The following ADGRA3 variants were observed in gnomAD, a reference collection of about 807,000 sequenced individuals.
The protein encoded by ADGRA3 is G-protein coupled receptor 125.
ADGRA3 carries 56 observed loss-of-function variants against 119.8 expected under a neutral mutation model. The ratio of observed to expected loss-of-function variants is 0.47; its 90% confidence interval spans 0.38 to 0.58. The LOEUF (loss-of-function observed/expected upper bound fraction) is 0.58, where lower values mean the gene tolerates loss of function less well. Ranked by LOEUF, ADGRA3 falls within the 20% of genes least tolerant of loss-of-function variation. The pLI is 0.00. For missense variants in ADGRA3, 1,516 were observed against 1,649.0 expected, an observed-to-expected ratio of 0.92 and a Z score of 1.40; for synonymous variants, 607 against 623.8, an observed-to-expected ratio of 0.97 and a Z score of 0.40.
intron 4 of ADGRA3, among the ~76,000 whole-genome samples, chr4:22,449,864 A>C (rs1381736421): frequency 2.7e-5 from 4 of 148,988 alleles, no homozygotes; most frequent in African/African-American, 1.0e-4. Context: ...AAAAAAAATG[A>C]ATTGCATCTT....
intron 17 of ADGRA3, among the ~76,000 whole-genome samples, chr4:22,390,216 G>A (rs2108991660): frequency 6.6e-6 from 1 of 150,804 alleles, no homozygotes; most frequent in East Asian, 2.0e-4. Flanking sequence ...CACCCTCTCT[G>A]TCTTCTTTCA....
intron 14 of ADGRA3, among the ~76,000 whole-genome samples, chr4:22,408,639 T>C (rs1715055024): frequency 6.6e-6 from 1 of 152,154 alleles, no homozygotes; most frequent in African/African-American, 2.4e-5. Flanking sequence ...AGATTGACAA[T>C]TCCAAGCATG....
At chr4:22,485,051 T>C (rs61793366) in intron 1 of ADGRA3, among the ~76,000 whole-genome samples, 2,986 of 152,330 alleles carry the variant, frequency 0.02, 70 homozygotes, top group African/African-American at 0.054. Flanking sequence ...GTTGTTTCCA[T>C]TTCTCCCTTC....
At chr4:22,415,344 T>C (rs1034657202) in intron 12 of ADGRA3, among the ~76,000 whole-genome samples, 1 of 152,202 alleles carries the variant, frequency 6.6e-6, no homozygotes, top group African/African-American at 2.4e-5. Flanking sequence ...TCAATGTAAG[T>C]ATTTTAGATG....
At chr4:22,470,160 T>C (rs1346775183) in intron 2 of ADGRA3, among the ~76,000 whole-genome samples, 2 of 152,166 alleles carry the variant, frequency 1.3e-5, no homozygotes, top group African/African-American at 4.8e-5. Context: ...ATTAATATGA[T>C]ACAATACATA....
At chr4:22,509,034 AACCCCT>A (rs1446618185) in intron 1 of ADGRA3, among the ~76,000 whole-genome samples, 5 of 152,108 alleles carry the variant, frequency 3.3e-5, no homozygotes, top group Admixed American at 2.6e-4. Flanking sequence ...TATTGTGCTG[AACCCCT>A]ACCCACTCCA....
At chr4:22,421,163 A>G in intron 11 of ADGRA3, 74 bp from the exon 12 acceptor site, 1 of 1,243,748 alleles carries the variant, frequency 8.0e-7, no homozygotes, top group Non-Finnish European at 1.2e-6. Context: ...AGACTTTTCA[A>G]ACACAAAACA....
chr4:22,496,038 T>C (rs73802838), intron 1 of ADGRA3, among the ~76,000 whole-genome samples: 1 of 152,128 alleles, frequency 6.6e-6, no homozygotes, highest in Non-Finnish European at 1.5e-5. Flanking sequence ...ATCATTTTTT[T>C]AAAAAAAGAT....
At chr4:22,512,435 G>A (rs1034765285) in intron 1 of ADGRA3, among the ~76,000 whole-genome samples, 2 of 152,116 alleles carry the variant, frequency 1.3e-5, no homozygotes, top group Admixed American at 6.6e-5. Flanking sequence ...GTCATGAGCT[G>A]GACAGTGTTT....
intron 1 of ADGRA3, among the ~76,000 whole-genome samples, chr4:22,494,721 T>C (rs1718751565): frequency 6.6e-6 from 1 of 152,028 alleles, no homozygotes. Context: ...AGTCAAAATC[T>C]TCAATTCTAA....
chr4:22,468,735 C>A (rs58137767), intron 2 of ADGRA3, among the ~76,000 whole-genome samples: 1 of 150,088 alleles, frequency 6.7e-6, no homozygotes, highest in Admixed American at 6.7e-5. Context: ...TGCCACCACA[C>A]TCCAGCTTGG....
chr4:22,453,913 G>A (rs1444758534), intron 4 of ADGRA3, among the ~76,000 whole-genome samples: 3 of 151,734 alleles, frequency 2.0e-5, no homozygotes, highest in Non-Finnish European at 4.4e-5. Context: ...GTGCAGTGGC[G>A]TAATCTTGGC....
intron 3 of ADGRA3, chr4:22,455,873 A>C (rs1377062650): frequency 1.6e-6 from 2 of 1,236,588 alleles, no homozygotes; most frequent in Non-Finnish European, 2.1e-6. Context: ...GAAAACCCTA[A>C]AACAATGAAT....
rs370785282 is a variant in ADGRA3, at chr4:22,402,603, C to G, written c.2357+72G>C. 3.6e-4 allele frequency: 539 copies of G among 1,495,766 alleles called. 4 individuals are homozygous for G. In the South Asian group the frequency reaches 5.9e-3, roughly 16 times the overall value. The allele number at this position is 1,495,766 out of a possible 1,614,324, so 92.7% of individuals were successfully genotyped here. ...AGGATGATAACAAACTCAATTTTAT[C>G]CTAATTAAATGTGAAATAAAGTCCT... On this transcript the variant is annotated intron_variant, in intron 15 of 18. Coordinates refer to ENST00000334304, the MANE Select transcript of ADGRA3 (RefSeq NM_145290.4).
At chr4:22,435,972 T>G (rs1200784390) in intron 9 of ADGRA3, among the ~76,000 whole-genome samples, 3 of 152,086 alleles carry the variant, frequency 2.0e-5, no homozygotes, top group Non-Finnish European at 4.4e-5. Flanking sequence ...TTTTACCAGG[T>G]GCTAAGGGGC....
intron 17 of ADGRA3, among the ~76,000 whole-genome samples, chr4:22,391,161 T>C (rs1252575539): frequency 1.3e-5 from 2 of 152,154 alleles, no homozygotes; most frequent in African/African-American, 2.4e-5. Context: ...TTCATTATCA[T>C]GGCTTCAGTG....
intron 4 of ADGRA3, among the ~76,000 whole-genome samples, chr4:22,447,720 T>C (rs1257615085): frequency 6.6e-6 from 1 of 152,144 alleles, no homozygotes; most frequent in Non-Finnish European, 1.5e-5. Context: ...AAGTAGTAAA[T>C]ACAATTATTA....
chr4:22,388,723 G>A lies in ADGRA3; in HGVS notation c.2948C>T (p.Thr983Ile). 1 of 1,614,058 alleles carries A rather than the reference G, an allele frequency of 6.2e-7. No homozygotes were observed. The highest frequency in any genetic ancestry group is 8.5e-7 in the Non-Finnish European group (1 of 1,179,966). Residue 983 changes from threonine to isoleucine, a missense_variant, in exon 19 of 19, where the codon ACA becomes ATA. Around this residue, in one of 2 missense-constraint regions of ADGRA3, gnomAD observed 1,088 missense variants for 1,107.1 expected, o/e 0.98. Transcript: ENST00000334304. ...AGTGTGCTCATTTTCCAAGGCTGAT[G>A]TAGAAATCAGAGACAAAGACATTGA... ...QDSMSLSLISTSALENEHTFH... is the reference protein window; with the variant it reads ...QDSMSLSLISISALENEHTFH...
At chr4:22,459,359 CTAA>C (rs1717360144) in intron 3 of ADGRA3, among the ~76,000 whole-genome samples, 3 of 151,868 alleles carry the variant, frequency 2.0e-5, no homozygotes. Flanking sequence ...AGAAAAACAA[CTAA>C]TGAGTACTAG....
Sources: gnomAD v4.1 joint callset for allele counts (sites outside exome capture counted in the v4.1 genomes callset) on GRCh38, gnomAD v4.1.1 for gene constraint, gnomAD v4.1.1 regional missense constraint, MANE v1.5 for transcripts, NCBI Gene and HGNC (gene_info 2026-07-23, HGNC 2026-07-21) for gene names.